The following DMC1 variants were observed in gnomAD, a reference collection of about 807,000 sequenced individuals.
DMC1 encodes the protein DNA meiotic recombinase 1.
In DMC1, 27 loss-of-function variants were observed where a neutral mutation model predicts 50.1. The ratio of observed to expected loss-of-function variants is 0.54; its 90% CI spans 0.40 to 0.74. DMC1 has a LOEUF of 0.74. DMC1 is among the 30% of genes least tolerant of loss of function. The pLI is 0.00. For missense variants in DMC1, 295 were observed against 420.2 expected, an observed-to-expected ratio of 0.70 and a Z score of 2.60; for synonymous variants, 148 against 136.1, an observed-to-expected ratio of 1.09 and a Z score of -0.61.
At chr22:38,566,798 T>C in intron 3 of DMC1, 62 bp from the exon 4 acceptor site, 1 of 1,541,722 alleles carries the variant, frequency 6.5e-7, no homozygotes, top group South Asian at 1.1e-5. Flanking sequence ...GCTCCCATAC[T>C]ATGTCATGTG....
chr22:38,524,864 T>A (rs2090070330), intron 12 of DMC1, among the ~76,000 whole-genome samples: 1 of 151,974 alleles, frequency 6.6e-6, no homozygotes, highest in Non-Finnish European at 1.5e-5. Flanking sequence ...GGGTTCAAGA[T>A]CAGCCTGACC....
At chr22:38,568,475 A>ATG (rs368751544) in intron 1 of DMC1, 186 bp from the exon 2 acceptor site, 4 of 534,528 alleles carry the variant, frequency 7.5e-6, no homozygotes, top group Non-Finnish European at 1.3e-5. Flanking sequence ...GTGTGTGTGC[A>ATG]TGTGTGTGTG....
At chr22:38,538,762 T>C in intron 9 of DMC1, 150 bp from the exon 10 acceptor site, 2 of 776,788 alleles carry the variant, frequency 2.6e-6, no homozygotes, top group South Asian at 1.5e-5. Context: ...CAGCAGGGCA[T>C]GGTGGCTCAT....
intron 4 of DMC1, among the ~76,000 whole-genome samples, chr22:38,563,679 C>T (rs12158236): frequency 0.027 from 4,147 of 151,754 alleles, 192 homozygotes; most frequent in African/African-American, 0.096. Flanking sequence ...TATAGTAAGA[C>T]CACCCCTCCC....
At chr22:38,533,459 G>T (rs1372813124) in intron 12 of DMC1, among the ~76,000 whole-genome samples, 1 of 149,578 alleles carries the variant, frequency 6.7e-6, no homozygotes, top group East Asian at 2.0e-4. Context: ...TGCGAAAGAT[G>T]AAGCAAAATT....
chr22:38,536,081 C>T (rs1291536719), intron 12 of DMC1, among the ~76,000 whole-genome samples: 3 of 151,506 alleles, frequency 2.0e-5, no homozygotes, highest in Non-Finnish European at 2.9e-5. Context: ...ATTAGCCAGG[C>T]GTGGCGATGT....
At chr22:38,513,056 G>A in the DMC1 span, among the ~76,000 whole-genome samples, 1 of 151,768 alleles carries the variant, frequency 6.6e-6, no homozygotes, top group East Asian at 1.9e-4. Flanking sequence ...TGCACTCCAG[G>A]CTGGGTGACA....
At chr22:38,551,422 G>A (rs935447121) in intron 7 of DMC1, among the ~76,000 whole-genome samples, 11 of 151,616 alleles carry the variant, frequency 7.3e-5, no homozygotes, top group African/African-American at 2.7e-4. Context: ...TCTGCCTCCC[G>A]GGTTCAAGTG....
At chr22:38,521,488 G>A (rs2090023336) in intron 13 of DMC1, 120 bp downstream of exon 13, 2 of 684,620 alleles carry the variant, frequency 2.9e-6, no homozygotes, top group Admixed American at 2.1e-5. Context: ...AGGATTGCTT[G>A]AGCCTAGGAG....
intron 7 of DMC1, among the ~76,000 whole-genome samples, chr22:38,551,953 C>T (rs2090417210): frequency 6.6e-6 from 1 of 150,968 alleles, no homozygotes; most frequent in Non-Finnish European, 1.5e-5. Flanking sequence ...CTCCGCCTCC[C>T]GGGTTCACGC....
downstream of DMC1, among the ~76,000 whole-genome samples, chr22:38,514,188 T>C (rs1035026516): frequency 2.0e-5 from 3 of 150,094 alleles, no homozygotes; most frequent in African/African-American, 4.9e-5. Context: ...TCTTGAATAG[T>C]GGCTGGGTAA....
downstream of DMC1, among the ~76,000 whole-genome samples, chr22:38,518,527 C>T (rs1452644410): frequency 6.6e-6 from 1 of 151,404 alleles, no homozygotes; most frequent in East Asian, 1.9e-4. Context: ...GAATTTTCTT[C>T]TCTTTCCTTC....
At chr22:38,569,044 C>T (rs948029700) in intron 1 of DMC1, among the ~76,000 whole-genome samples, 22 of 151,882 alleles carry the variant, frequency 1.4e-4, no homozygotes, top group African/African-American at 5.1e-4. Context: ...ATTAGCCGGG[C>T]GTGGTGGTGG....
intron 12 of DMC1, among the ~76,000 whole-genome samples, chr22:38,524,433 CAAAAT>C (rs1387031385): frequency 1.3e-5 from 2 of 151,772 alleles, no homozygotes; most frequent in African/African-American, 4.8e-5. Context: ...TAAAATAAAA[CAAAAT>C]AAAATAAAAT....
the DMC1 span, among the ~76,000 whole-genome samples, chr22:38,510,988 G>A: frequency 6.6e-6 from 1 of 152,206 alleles, no homozygotes; most frequent in Non-Finnish European, 1.5e-5. Flanking sequence ...TCTGAAACAA[G>A]TCAGGCATGG....
chr22:38,513,204 G>C, the DMC1 span, among the ~76,000 whole-genome samples: 1 of 152,192 alleles, frequency 6.6e-6, no homozygotes, highest in Non-Finnish European at 1.5e-5. Flanking sequence ...CAGTCTAGCA[G>C]CAGGAACAGC....
At chr22:38,569,663 GA>G (rs1294939649) in intron 1 of DMC1, among the ~76,000 whole-genome samples, 1 of 152,222 alleles carries the variant, frequency 6.6e-6, no homozygotes, top group Admixed American at 6.5e-5. Flanking sequence ...CCGTTGGATT[GA>G]AAGTAGGGCT....
At chr22:38,542,375 A>G (rs1323259960) in intron 8 of DMC1, among the ~76,000 whole-genome samples, 1 of 152,144 alleles carries the variant, frequency 6.6e-6, no homozygotes. Context: ...CAAAATCAAC[A>G]TACAAAAATC....
intron 6 of DMC1, 129 bp from the exon 7 acceptor site, chr22:38,552,836 G>A (rs1251359572): frequency 1.5e-6 from 1 of 686,270 alleles, no homozygotes; most frequent in Non-Finnish European, 2.5e-6. Context: ...TACTTATAAA[G>A]TATCTCGGAT....
Sources: allele counts gnomAD v4.1 joint callset (sites outside exome capture counted in the v4.1 genomes callset), GRCh38; gene constraint gnomAD v4.1.1; transcripts MANE v1.5; gene names NCBI Gene and HGNC (gene_info 2026-07-23, HGNC 2026-07-21).